Variants in SH3D19 observed in about 807,000 individuals in gnomAD.
The protein encoded by SH3D19 is SH3 domain containing 19.
SH3D19 carries 58 observed loss-of-function variants against 112.1 expected under a neutral mutation model. The ratio of observed to expected loss-of-function variants is 0.52; its 90% CI spans 0.42 to 0.64. SH3D19 has a LOEUF of 0.64. Ranked by LOEUF, SH3D19 falls within the 30% of genes least tolerant of loss-of-function variation. The pLI, the probability that SH3D19 is intolerant of heterozygous loss-of-function variation, is 0.00. For missense variants in SH3D19, 1,090 were observed against 1,263.4 expected (o/e 0.86, Z 2.08); for synonymous variants, 391 against 448.5 (o/e 0.87, Z 1.62).
intron 19 of SH3D19, among the ~76,000 whole-genome samples, chr4:151,126,522 G>A (rs565458601): frequency 2.0e-5 from 3 of 152,046 alleles, no homozygotes; most frequent in East Asian, 3.9e-4. Context: ...TTGGCCGGGC[G>A]CGGTGGCTCA....
intron 1 of SH3D19, among the ~76,000 whole-genome samples, chr4:151,244,315 G>C (rs1231851426): frequency 1.3e-5 from 2 of 152,152 alleles, no homozygotes; most frequent in Non-Finnish European, 2.9e-5. Context: ...TATGAATTTG[G>C]AGAACAAGCC....
At chr4:151,293,806 T>C (rs193249278) in intron 1 of SH3D19, among the ~76,000 whole-genome samples, 24 of 152,370 alleles carry the variant, frequency 1.6e-4, no homozygotes, top group Admixed American at 1.0e-3. Flanking sequence ...AGCCTGTCTC[T>C]TCAGCCTCAT....
Position 151,289,182 on chromosome 4 carries a change from C to T in SH3D19, c.112+36059G>A, listed in dbSNP as rs190643072. On this transcript the variant is annotated intron_variant, in intron 1 of 19. Coordinates refer to ENST00000604030, the MANE Select transcript of SH3D19 (RefSeq NM_001378122.1). The stretch of plus-strand genomic sequence containing the variant: ...TGATGCTGGGACAAGTAGACAACCA[C>T]ATGCAAAAGAATGAACTTGGACCCT... Among the ~76,000 whole-genome samples, 243 of 152,268 alleles carry T rather than the reference C, an allele frequency of 1.6e-3. 1 individual carries two copies. The Middle Eastern group carries it at 0.017, about 11-fold the overall frequency.
chr4:151,148,144 G>T lies in SH3D19; in HGVS notation c.1860C>A (p.Thr620=). 1 of 1,611,622 alleles carries T rather than the reference G, an allele frequency of 6.2e-7. No homozygotes were observed. The highest frequency in any genetic ancestry group is 1.1e-5 in the South Asian group (1 of 90,568). The part of the protein sequence containing the change: ...GKTIPTQQPP[T]KVPPERPPPP... ...GAGGTGGTCTCTCAGGGGGCACCTT[G>T]GTTGGAGGCTGTTGAGTTGGAATGG... Residue 620 remains threonine (T), a synonymous_variant, in exon 11 of 20, where the codon ACC becomes ACA. Transcript: ENST00000604030.
chr4:151,195,282 G>A (rs929438878), intron 2 of SH3D19, among the ~76,000 whole-genome samples: 2 of 140,978 alleles, frequency 1.4e-5, no homozygotes, highest in Admixed American at 1.6e-4. Context: ...TGAGGCAGGA[G>A]AATGGTGTGA....
chr4:151,195,371 C>CAAAAAAAA (rs58618820), intron 2 of SH3D19, among the ~76,000 whole-genome samples: 3 of 66,768 alleles, frequency 4.5e-5, no homozygotes, highest in African/African-American at 1.5e-4. Context: ...GACTCTGTCT[C>CAAAAAAAA]AAAAAAAAAA....
chr4:151,250,323 G>A (rs1771264306), intron 1 of SH3D19, among the ~76,000 whole-genome samples: 1 of 152,026 alleles, frequency 6.6e-6, no homozygotes, highest in Admixed American at 6.6e-5. Context: ...TAATCAGGTC[G>A]GTACATAGTG....
At chr4:151,310,210 CAAAAAAA>C (rs1207145608) in intron 1 of SH3D19, among the ~76,000 whole-genome samples, 10,822 of 100,354 alleles carry the variant, frequency 0.11, 1,234 homozygotes, top group African/African-American at 0.32. Context: ...TCTGTCTTTA[CAAAAAAA>C]AAAAAAAAAA....
intron 1 of SH3D19, among the ~76,000 whole-genome samples, chr4:151,306,292 TAAAG>T (rs1262195133): frequency 6.6e-6 from 1 of 152,182 alleles, no homozygotes; most frequent in Non-Finnish European, 1.5e-5. Context: ...ATTTAAAAAT[TAAAG>T]AAGAAAAGAC....
chr4:151,218,895 T>C lies in SH3D19; in HGVS notation c.152+7152A>G, dbSNP rs575626572. ...ATGCAAATGGACATGGCTGAGTTCC[T>C]GTAATATTTTAATTAAAAAATGGTG... On this transcript the variant is annotated intron_variant, in intron 2 of 19. Transcript: ENST00000604030. 9.2e-5 allele frequency among the ~76,000 whole-genome samples: 14 copies of C among 152,316 alleles called. No homozygotes were observed. The East Asian group carries it at 2.3e-3, about 25-fold the overall frequency.
chr4:151,148,016 C>T lies in SH3D19; in HGVS notation c.1988G>A (p.Gly663Glu), dbSNP rs1349358654. The T allele has an allele frequency of 3.7e-6, 6 of 1,614,038 alleles. No individual in the cohort carries two copies. In the East Asian group the frequency reaches 1.3e-4, roughly 36 times the overall value. Residue 663 changes from glycine to glutamate, a missense_variant, in exon 11 of 20, where the codon GGA (glycine) becomes GAA (glutamate). Coordinates refer to ENST00000604030, the MANE Select transcript of SH3D19 (RefSeq NM_001378122.1). ...LQKKQSNLATGLSKAKSQVFK... is the reference protein window; with the variant it reads ...LQKKQSNLATELSKAKSQVFK... ...AACTTGACTCTTGGCTTTTGAGAGT[C>T]CAGTTGCCAAGTTACTTTGTTTTTT...
At chr4:151,150,458 T>C (rs1473460722) in intron 9 of SH3D19, among the ~76,000 whole-genome samples, 1 of 151,600 alleles carries the variant, frequency 6.6e-6, no homozygotes. Flanking sequence ...TTGCTTTGAA[T>C]AGGCAGATCT....
At position 151,204,420 on chromosome 4, in the gene SH3D19, T is replaced by C. The variant is rs577283517; in HGVS notation, c.153-16957A>G. Among the ~76,000 whole-genome samples the C allele has an allele frequency of 2.2e-4, 33 of 152,366 alleles. 1 individual carries two copies. The South Asian group carries it at 5.8e-3, about 27-fold the overall frequency. On this transcript the variant is annotated intron_variant, in intron 2 of 19. Coordinates refer to ENST00000604030, the MANE Select transcript of SH3D19 (RefSeq NM_001378122.1). ...CTGCTAACTCTTAATAGGGTTTACA[T>C]AGTAAATCAGGGTGAAGAAAAATTT...
chr4:151,183,843 C>A (rs1761316586), intron 3 of SH3D19, among the ~76,000 whole-genome samples: 1 of 152,146 alleles, frequency 6.6e-6, no homozygotes, highest in African/African-American at 2.4e-5. Flanking sequence ...GTGGAAAGCT[C>A]AATGGCCTTG....
chr4:151,291,059 A>T (rs1775283472), intron 1 of SH3D19: 1 of 1,332,896 alleles, frequency 7.5e-7, no homozygotes, highest in African/African-American at 1.4e-5. Flanking sequence ...ACCCCTTATT[A>T]CTACTCTCTT....
At chr4:151,144,201 G>A (rs1753521441) in intron 11 of SH3D19, 151 bp from the exon 12 acceptor site, 5 of 1,611,594 alleles carry the variant, frequency 3.1e-6, no homozygotes, top group Non-Finnish European at 3.4e-6. Flanking sequence ...TAACCAGTAA[G>A]GAAAGAGCTC....
At position 151,316,028 on chromosome 4, in the gene SH3D19, A is replaced by G. The variant is rs185015181; in HGVS notation, c.112+9213T>C. Among the ~76,000 whole-genome samples, 96 of 152,208 alleles carry G rather than the reference A, an allele frequency of 6.3e-4. 1 individual carries two copies. Among genetic ancestry groups the G allele is most frequent in the African/African-American group, 2.1e-3 (87 of 41,524 alleles). The stretch of plus-strand genomic sequence containing the variant: ...AGTTGGGGAGGGAGAGTGGACGCCA[A>G]TGCCAAAAAGAGTAACTTTCAAGCA... On this transcript the variant is annotated intron_variant, in intron 1 of 19. Coordinates refer to ENST00000604030, the MANE Select transcript of SH3D19 (RefSeq NM_001378122.1).
intron 1 of SH3D19, among the ~76,000 whole-genome samples, chr4:151,256,445 T>C (rs1398543820): frequency 6.6e-6 from 1 of 152,198 alleles, no homozygotes; most frequent in Non-Finnish European, 1.5e-5. Flanking sequence ...TACATAACAA[T>C]AAATATAAAT....
chr4:151,273,594 A>AAC (rs1554065257), intron 1 of SH3D19, among the ~76,000 whole-genome samples: 2 of 116,884 alleles, frequency 1.7e-5, no homozygotes, highest in Non-Finnish European at 4.4e-5. Context: ...CATCTCAAAA[A>AAC]AAAAAAAAAA....
Sources: allele counts gnomAD v4.1 joint callset (sites outside exome capture counted in the v4.1 genomes callset), GRCh38; gene constraint gnomAD v4.1.1; transcripts MANE v1.5; gene names NCBI Gene and HGNC (gene_info 2026-07-23, HGNC 2026-07-21).